The following CNTN4 variants were observed in gnomAD, a reference collection of about 807,000 sequenced individuals.
CNTN4 encodes the protein contactin 4.
In CNTN4, 77 loss-of-function variants were observed where a neutral mutation model predicts 122.5. That is an observed-to-expected ratio of 0.63 (90% confidence interval 0.52 to 0.76). The LOEUF is 0.76. Among genes scored for constraint, CNTN4 ranks in the 30% least tolerant of loss-of-function variants. The pLI, the probability that CNTN4 is intolerant of heterozygous loss-of-function variation, is 0.00. For missense variants in CNTN4, 1,256 were observed against 1,259.1 expected, an observed-to-expected ratio of 1.00 and a Z score of 0.04; for synonymous variants, 512 against 447.0, an observed-to-expected ratio of 1.15 and a Z score of -1.83.
chr3:2,747,383 T>TG, intron 6 of CNTN4, among the ~76,000 whole-genome samples: 1 of 149,486 alleles, frequency 6.7e-6, no homozygotes, highest in African/African-American at 2.5e-5. Flanking sequence ...GACTCCAGCC[T>TG]GGGCGACAGA....
intron 4 of CNTN4, among the ~76,000 whole-genome samples, chr3:2,661,328 T>G (rs1462465425): frequency 6.6e-6 from 1 of 152,176 alleles, no homozygotes; most frequent in Non-Finnish European, 1.5e-5. Context: ...CTCTGAATAC[T>G]TAAGTTGACC....
chr3:2,511,611 G>T (rs1447584362), intron 3 of CNTN4: 1 of 152,236 alleles, frequency 6.6e-6, no homozygotes, highest in African/African-American at 2.4e-5. Flanking sequence ...TCAGTGTAGT[G>T]GAAGCAGGGA....
At chr3:2,134,447 C>T (rs1320026184) in intron 2 of CNTN4, among the ~76,000 whole-genome samples, 4 of 152,130 alleles carry the variant, frequency 2.6e-5, no homozygotes, top group African/African-American at 9.7e-5. Context: ...AAGGAGGGAG[C>T]ATGGAGGAAT....
At chr3:2,526,741 T>C (rs2077410996) in intron 3 of CNTN4, among the ~76,000 whole-genome samples, 1 of 152,124 alleles carries the variant, frequency 6.6e-6, no homozygotes, top group Admixed American at 6.6e-5. Context: ...CCTGAGGTTT[T>C]TTTACTTAAT....
At chr3:2,155,625 T>C (rs908417175) in intron 2 of CNTN4, among the ~76,000 whole-genome samples, 3 of 152,186 alleles carry the variant, frequency 2.0e-5, no homozygotes, top group South Asian at 4.1e-4. Flanking sequence ...AAAACAGTGA[T>C]CTGGAAGGGT....
chr3:2,112,700 C>CT (rs2033057336), intron 2 of CNTN4, among the ~76,000 whole-genome samples: 1 of 152,078 alleles, frequency 6.6e-6, no homozygotes, highest in Non-Finnish European at 1.5e-5. Context: ...GTTTTAATTA[C>CT]TTTTATATGT....
chr3:2,712,234 A>G (rs2087194141), intron 4 of CNTN4, among the ~76,000 whole-genome samples: 1 of 152,232 alleles, frequency 6.6e-6, no homozygotes, highest in Admixed American at 6.5e-5. Flanking sequence ...GTATCTGTTA[A>G]AGAGGTGAAA....
chr3:2,713,648 C>T (rs1453012784), intron 4 of CNTN4, among the ~76,000 whole-genome samples: 1 of 152,146 alleles, frequency 6.6e-6, no homozygotes. Flanking sequence ...ATTAGAAAGA[C>T]CTTCCTGCTT....
intron 3 of CNTN4, among the ~76,000 whole-genome samples, chr3:2,544,667 A>G (rs2078172057): frequency 6.6e-6 from 1 of 151,534 alleles, no homozygotes; most frequent in Non-Finnish European, 1.5e-5. Context: ...TGAAGTGTTC[A>G]TGGTAGTCCC....
chr3:2,825,213 A>T (rs1044186110), intron 7 of CNTN4, among the ~76,000 whole-genome samples: 16 of 151,876 alleles, frequency 1.1e-4, no homozygotes, highest in Admixed American at 3.3e-4. Context: ...GGCCGTCTCT[A>T]AAAAATAATT....
chr3:2,533,758 C>T (rs1356647782), intron 3 of CNTN4, among the ~76,000 whole-genome samples: 1 of 152,158 alleles, frequency 6.6e-6, no homozygotes, highest in East Asian at 1.9e-4. Flanking sequence ...TCTCCACATC[C>T]TCTCCAGCAC....
Position 3,038,926 on chromosome 3 carries a change from T to G in CNTN4, c.2093-7T>G, listed in dbSNP as rs922182670. Reference sequence around the variant, plus strand: ...TGACATAACTTGTTTTTTGTCTCCTTGTGCAGTCCCCGAAGTCACACCAGC... The same window carrying G: ...TGACATAACTTGTTTTTTGTCTCCTGGTGCAGTCCCCGAAGTCACACCAGC... On this transcript the variant is annotated splice_polypyrimidine_tract_variant and splice_region_variant and intron_variant, in intron 18 of 24. Transcript: ENST00000418658. 1.2e-6 allele frequency: 2 copies of G among 1,614,000 alleles called. No homozygotes were observed. The highest frequency in any genetic ancestry group is 8.5e-7 in the Non-Finnish European group (1 of 1,179,882).
At chr3:2,507,193 C>T (rs764122702) in intron 3 of CNTN4, among the ~76,000 whole-genome samples, 1 of 152,074 alleles carries the variant, frequency 6.6e-6, no homozygotes, top group Non-Finnish European at 1.5e-5. Context: ...CATCATGCTT[C>T]CCTTGGGCCA....
At chr3:2,579,316 G>T (rs2079832912) in intron 4 of CNTN4, among the ~76,000 whole-genome samples, 2 of 152,202 alleles carry the variant, frequency 1.3e-5, no homozygotes, top group African/African-American at 4.8e-5. Context: ...GTCAACCTGT[G>T]TGATCATTCT....
intron 3 of CNTN4, among the ~76,000 whole-genome samples, chr3:2,473,112 T>C (rs1468868327): frequency 6.6e-6 from 1 of 151,228 alleles, no homozygotes; most frequent in African/African-American, 2.4e-5. Context: ...ACACCTGTAA[T>C]CCCAGGTACT....
intron 12 of CNTN4, among the ~76,000 whole-genome samples, chr3:2,919,638 C>G (rs4450792): frequency 0.56 from 84,496 of 151,436 alleles, 23,546 homozygotes; most frequent in East Asian, 0.68. Flanking sequence ...CTGTACACTA[C>G]CTGCATAACC....
chr3:2,337,413 T>C (rs2044000114), intron 2 of CNTN4, among the ~76,000 whole-genome samples: 1 of 152,176 alleles, frequency 6.6e-6, no homozygotes, highest in African/African-American at 2.4e-5. Flanking sequence ...CTCTTGCCAA[T>C]GTTACTGCTA....
In CNTN4 at chr3:2,405,750, T is replaced by TG. The variant is rs559949104; in HGVS notation, c.-89+66519dup. Among the ~76,000 whole-genome samples, 620 of 152,194 alleles carry TG rather than the reference T, an allele frequency of 4.1e-3. 1 individual carries two copies. Among genetic ancestry groups the TG allele is most frequent in the Middle Eastern group, 0.017 (5 of 294 alleles). ...AAAACACTATGTTAATGGCTGGGCATGGTGGCACATGCCTCTAATCCCAGT... is the reference window on the plus strand; with the variant it reads ...AAAACACTATGTTAATGGCTGGGCATGGGTGGCACATGCCTCTAATCCCAGT... On this transcript the variant is annotated intron_variant, in intron 3 of 24. Transcript: ENST00000418658.
chr3:2,876,775 A>T (rs1007678441), intron 8 of CNTN4, among the ~76,000 whole-genome samples: 1 of 152,216 alleles, frequency 6.6e-6, no homozygotes, highest in African/African-American at 2.4e-5. Context: ...AGTTGCCACA[A>T]GTTCTTCTAC....
Sources: gnomAD v4.1 joint callset for allele counts (sites outside exome capture counted in the v4.1 genomes callset) on GRCh38, gnomAD v4.1.1 for gene constraint, MANE v1.5 for transcripts, NCBI Gene and HGNC (gene_info 2026-07-23, HGNC 2026-07-21) for gene names.